The following UBE3D variants were observed in gnomAD, a reference collection of about 807,000 sequenced individuals.
The protein encoded by UBE3D is E3 ubiquitin-protein ligase E3D.
In UBE3D, 48 loss-of-function variants were observed where a neutral mutation model predicts 49.6. The observed-to-expected ratio is 0.97, with a 90% CI of 0.77 to 1.23. UBE3D has a LOEUF of 1.23. UBE3D is among the 50% of genes most tolerant of loss of function. The pLI is 0.00. For synonymous variants in UBE3D, 189 were observed against 174.2 expected (o/e 1.08, Z -0.67); for missense variants, 452 against 468.4 (o/e 0.96, Z 0.32).
chr6:83,036,015 T>C (rs1782220837), intron 5 of UBE3D: 1 of 136,490 alleles, frequency 7.3e-6, no homozygotes. Flanking sequence ...TATTTTTTTG[T>C]ACTTCTTTTT....
rs576503171 is a variant in UBE3D, at chr6:83,047,944, T to G, written c.366-3285A>C. Among the ~76,000 whole-genome samples the G allele has an allele frequency of 1.7e-3, 260 of 151,364 alleles. 1 individual carries two copies. Among genetic ancestry groups the G allele is most frequent in the African/African-American group, 6.0e-3 (249 of 41,234 alleles). ...AAAAATACAAAAAATTAGCCGGGAG[T>G]GCTGGCGGGCACCTGTAGTCCCAGC... On this transcript the variant is annotated intron_variant, in intron 3 of 9. Transcript: ENST00000369747.
intron 8 of UBE3D, among the ~76,000 whole-genome samples, chr6:83,003,557 A>C (rs1416220): frequency 1.3e-5 from 2 of 152,180 alleles, no homozygotes; most frequent in Non-Finnish European, 2.9e-5. Context: ...TGAGAAATGC[A>C]TTATTAGGCA....
chr6:82,984,065 C>T (rs981724361), intron 8 of UBE3D, among the ~76,000 whole-genome samples: 2 of 152,080 alleles, frequency 1.3e-5, no homozygotes, highest in Non-Finnish European at 2.9e-5. Context: ...TATCCTTGTT[C>T]TGTTCACTGT....
chr6:82,996,731 A>C (rs1049503687), intron 8 of UBE3D, among the ~76,000 whole-genome samples: 2 of 152,220 alleles, frequency 1.3e-5, no homozygotes, highest in African/African-American at 4.8e-5. Flanking sequence ...TCATGAGAAA[A>C]ACATCAGGCA....
At chr6:83,063,119 T>G (rs1784272578) in intron 1 of UBE3D, 1 of 246,646 alleles carries the variant, frequency 4.1e-6, no homozygotes, top group South Asian at 3.7e-5. Context: ...AAGGACACTA[T>G]CAAAAAAACG....
In UBE3D at chr6:82,896,397, G is replaced by A. The variant is rs534297206; in HGVS notation, c.1150-3355C>T. Among the ~76,000 whole-genome samples, 88 of 145,958 alleles carry A rather than the reference G, an allele frequency of 6.0e-4. 1 individual carries two copies. The highest frequency in any genetic ancestry group is 2.3e-3 in the African/African-American group (85 of 36,802). ...TATATTTCTGGAATATAGTTACAACGTATAAATAATTATTTTAAAAAACAA... is the reference window on the plus strand; with the variant it reads ...TATATTTCTGGAATATAGTTACAACATATAAATAATTATTTTAAAAAACAA... On this transcript the variant is annotated intron_variant, in intron 9 of 9. Transcript: ENST00000369747.
At chr6:83,047,805 G>A (rs1169289133) in intron 3 of UBE3D, among the ~76,000 whole-genome samples, 1 of 152,076 alleles carries the variant, frequency 6.6e-6, no homozygotes, top group Non-Finnish European at 1.5e-5. Flanking sequence ...GCATTAAGCC[G>A]GGCTCGGTGG....
chr6:83,065,304 G>A (rs564362866), intron 1 of UBE3D, among the ~76,000 whole-genome samples: 1 of 152,184 alleles, frequency 6.6e-6, no homozygotes, highest in South Asian at 2.1e-4. Flanking sequence ...GAAACGCCGG[G>A]CACTGCCAAC....
intron 8 of UBE3D, among the ~76,000 whole-genome samples, chr6:83,015,027 G>A (rs939399950): frequency 4.6e-5 from 7 of 152,094 alleles, no homozygotes; most frequent in African/African-American, 1.2e-4. Context: ...TGTCCATTAC[G>A]GTAGTATGCC....
At chr6:82,896,741 G>C (rs1771346427) in intron 9 of UBE3D, among the ~76,000 whole-genome samples, 1 of 149,020 alleles carries the variant, frequency 6.7e-6, no homozygotes, top group African/African-American at 2.5e-5. Context: ...CCTCTGTTTT[G>C]TCTTTTCTTT....
At chr6:82,972,890 G>A (rs1002510742) in intron 8 of UBE3D, among the ~76,000 whole-genome samples, 1 of 152,102 alleles carries the variant, frequency 6.6e-6, no homozygotes, top group African/African-American at 2.4e-5. Context: ...AATGAGCTAT[G>A]ATAGAAATAA....
chr6:83,063,587 T>C (rs904439578), intron 1 of UBE3D, among the ~76,000 whole-genome samples: 2 of 152,056 alleles, frequency 1.3e-5, no homozygotes, highest in East Asian at 3.8e-4. Context: ...AATTAGAAGA[T>C]ACTTTTAAAA....
At chr6:82,950,951 G>C (rs557302206) in intron 9 of UBE3D, among the ~76,000 whole-genome samples, 1 of 151,806 alleles carries the variant, frequency 6.6e-6, no homozygotes, top group East Asian at 1.9e-4. Flanking sequence ...GGTTACCAAA[G>C]GCTGGGAAGA....
intron 8 of UBE3D, among the ~76,000 whole-genome samples, chr6:82,976,982 C>T (rs917406651): frequency 2.0e-5 from 3 of 151,880 alleles, no homozygotes; most frequent in Non-Finnish European, 4.4e-5. Context: ...GGTGTTGTGG[C>T]AGGCACCTGT....
At chr6:82,938,706 T>C (rs952499658) in intron 9 of UBE3D, 1 of 152,226 alleles carries the variant, frequency 6.6e-6, no homozygotes, top group African/African-American at 2.4e-5. Context: ...TATCACGTGT[T>C]TCTTACAGTT....
At chr6:82,989,154 C>T (rs557202323) in intron 8 of UBE3D, among the ~76,000 whole-genome samples, 1 of 152,158 alleles carries the variant, frequency 6.6e-6, no homozygotes, top group Non-Finnish European at 1.5e-5. Context: ...TTTACAGTAA[C>T]AAATACCACA....
At chr6:82,949,287 T>A (rs940448757) in intron 9 of UBE3D, among the ~76,000 whole-genome samples, 8 of 151,784 alleles carry the variant, frequency 5.3e-5, no homozygotes, top group African/African-American at 1.9e-4. Context: ...CAGAGTAAAA[T>A]CACTTAGGAA....
chr6:82,972,262 A>G (rs1777408253), intron 8 of UBE3D, among the ~76,000 whole-genome samples: 1 of 152,198 alleles, frequency 6.6e-6, no homozygotes, highest in Non-Finnish European at 1.5e-5. Flanking sequence ...CTTTCACAAG[A>G]GGGCACTTGG....
At chr6:82,884,799 G>A in the UBE3D span, among the ~76,000 whole-genome samples, 11 of 152,286 alleles carry the variant, frequency 7.2e-5, no homozygotes, top group African/African-American at 2.2e-4. Flanking sequence ...GGAGGAGGAC[G>A]GGTTCACCAG....
Sources: allele counts gnomAD v4.1 joint callset (sites outside exome capture counted in the v4.1 genomes callset), GRCh38; gene constraint gnomAD v4.1.1; transcripts MANE v1.5; gene names NCBI Gene and HGNC (gene_info 2026-07-23, HGNC 2026-07-21).